Variants in GLI3 observed in about 807,000 individuals in gnomAD.
GLI3 encodes GLI family zinc finger 3, also known as transcription activator GLI3.
In GLI3, 20 loss-of-function variants were observed where a neutral mutation model predicts 100.8. The observed-to-expected ratio is 0.20, with a 90% CI of 0.14 to 0.29. GLI3 has a LOEUF of 0.29. Among genes scored for constraint, GLI3 ranks in the 10% least tolerant of loss-of-function variants. The probability of loss-of-function intolerance (pLI) is 1.00; values close to 1 mark genes in which losing one functional copy is unlikely to be tolerated. For synonymous variants in GLI3, 938 were observed against 860.5 expected, an observed-to-expected ratio of 1.09 and a Z score of -1.58; for missense variants, 2,040 against 2,128.5, an observed-to-expected ratio of 0.96 and a Z score of 0.82.
intron 4 of GLI3, among the ~76,000 whole-genome samples, chr7:42,063,146 T>C (rs1286798164): frequency 1.3e-5 from 2 of 152,186 alleles, no homozygotes; most frequent in Non-Finnish European, 2.9e-5. Flanking sequence ...TTTAGGCAGC[T>C]ATAGCATTTT....
chr7:42,194,891 C>T (rs764670716), intron 2 of GLI3, among the ~76,000 whole-genome samples: 5 of 151,506 alleles, frequency 3.3e-5, no homozygotes, highest in African/African-American at 9.7e-5. Flanking sequence ...CTCAGCCTCC[C>T]GAGTAACTGG....
intron 2 of GLI3, among the ~76,000 whole-genome samples, chr7:42,194,821 C>T (rs1787896147): frequency 1.4e-5 from 2 of 140,942 alleles, no homozygotes; most frequent in Non-Finnish European, 3.0e-5. Flanking sequence ...GGCTGGAGTG[C>T]AGTGGCATGA....
chr7:42,115,858 T>A (rs556282160), intron 3 of GLI3, among the ~76,000 whole-genome samples: 31 of 152,296 alleles, frequency 2.0e-4, no homozygotes, highest in African/African-American at 6.7e-4. Flanking sequence ...GCACATTATA[T>A]AATTTGGGGT....
intron 2 of GLI3, among the ~76,000 whole-genome samples, chr7:42,167,504 A>G (rs1213503539): frequency 6.6e-6 from 1 of 152,212 alleles, no homozygotes; most frequent in African/African-American, 2.4e-5. Flanking sequence ...GTCAGTTTAG[A>G]TATGTTTGGG....
chr7:42,175,980 C>T (rs1787472079), intron 2 of GLI3, among the ~76,000 whole-genome samples: 1 of 152,036 alleles, frequency 6.6e-6, no homozygotes, highest in Non-Finnish European at 1.5e-5. Flanking sequence ...ATCCCACAGC[C>T]CACGCACATA....
chr7:42,002,137 A>G (rs887414814), intron 10 of GLI3, among the ~76,000 whole-genome samples: 3 of 152,162 alleles, frequency 2.0e-5, no homozygotes, highest in Non-Finnish European at 4.4e-5. Flanking sequence ...AAAAATTCAC[A>G]TTCAAAATAA....
Position 41,965,374 on chromosome 7 carries a change from G to A in GLI3, c.3699C>T (p.Asn1233=), listed in dbSNP as rs1302010083. Residue 1233 remains asparagine (N), a synonymous_variant, in exon 15 of 15, where the codon AAC becomes AAT. Transcript: ENST00000395925. The part of the protein sequence containing the change: ...YGGPEHLMLH[N]SPGSGTSGNA... ...TTCCACTGGTGCCACTTCCGGGGCT[G>A]TTGTGGAGCATCAAGTGCTCTGGGC... 5.0e-6 allele frequency: 8 copies of A among 1,612,960 alleles called. No individual in the cohort carries two copies. The highest frequency in any genetic ancestry group is 1.7e-4 in the Middle Eastern group (1 of 6,060).
intron 3 of GLI3, among the ~76,000 whole-genome samples, chr7:42,141,100 C>T (rs1282038324): frequency 6.6e-6 from 1 of 152,182 alleles, no homozygotes; most frequent in Non-Finnish European, 1.5e-5. Context: ...GGCCTCCCAT[C>T]AACATGGATC....
At chr7:42,128,339 T>C (rs1469796496) in intron 3 of GLI3, among the ~76,000 whole-genome samples, 1 of 152,228 alleles carries the variant, frequency 6.6e-6, no homozygotes, top group African/African-American at 2.4e-5. Context: ...TGGTTGTTAC[T>C]GTTTTTAATC....
At chr7:42,042,108 G>A (rs190844667) in intron 6 of GLI3, among the ~76,000 whole-genome samples, 112 of 150,710 alleles carry the variant, frequency 7.4e-4, no homozygotes, top group African/African-American at 2.5e-3. Flanking sequence ...TGTCTCCCGA[G>A]TTCAAGCGAT....
At chr7:42,221,177 T>C (rs1788479084) in intron 2 of GLI3, among the ~76,000 whole-genome samples, 1 of 152,166 alleles carries the variant, frequency 6.6e-6, no homozygotes. Context: ...ATTAGTTCTG[T>C]TCCCAATCAC....
chr7:42,038,500 T>C (rs1260804552), intron 7 of GLI3, among the ~76,000 whole-genome samples: 2 of 152,186 alleles, frequency 1.3e-5, no homozygotes, highest in East Asian at 3.8e-4. Flanking sequence ...GTATAGCTGG[T>C]TGGTGGCAAA....
At chr7:42,164,527 T>A (rs1005275383) in intron 2 of GLI3, among the ~76,000 whole-genome samples, 2 of 143,514 alleles carry the variant, frequency 1.4e-5, no homozygotes, top group African/African-American at 2.6e-5. Flanking sequence ...TAAAAAAAAA[T>A]AAAAATAAAA....
intron 7 of GLI3, among the ~76,000 whole-genome samples, chr7:42,029,169 T>A (rs1381042279): frequency 6.6e-6 from 1 of 152,220 alleles, no homozygotes. Context: ...TGGGACAGCT[T>A]GTCTGGACCC....
intron 3 of GLI3, among the ~76,000 whole-genome samples, chr7:42,136,539 C>G (rs536531378): frequency 5.2e-4 from 79 of 152,324 alleles, no homozygotes; most frequent in Non-Finnish European, 9.4e-4. Context: ...CTTACATCCT[C>G]CAAAACATGG....
intron 3 of GLI3, among the ~76,000 whole-genome samples, chr7:42,099,238 T>C (rs1393651541): frequency 6.6e-6 from 1 of 152,194 alleles, no homozygotes; most frequent in Non-Finnish European, 1.5e-5. Context: ...AACTTCGGGT[T>C]AGGAAATACA....
chr7:42,262,255 C>CCTTCCTTTCTT (rs1789152894), intron 1 of GLI3, among the ~76,000 whole-genome samples: 2 of 40,220 alleles, frequency 5.0e-5, no homozygotes, highest in Non-Finnish European at 6.3e-5. Context: ...CTTTCTTCCT[C>CCTTCCTTTCTT]CCTCCCTCCC....
chr7:42,040,370 C>A, intron 6 of GLI3, 131 bp from the exon 7 acceptor site: 1 of 722,322 alleles, frequency 1.4e-6, no homozygotes. Flanking sequence ...CACCTCTCCT[C>A]CCCCATGTGA....
chr7:42,257,386 C>T (rs1483075308), intron 1 of GLI3, among the ~76,000 whole-genome samples: 2 of 142,644 alleles, frequency 1.4e-5, no homozygotes, highest in Admixed American at 7.3e-5. Context: ...GACGGAGTCT[C>T]GCTCTGTCGC....
Sources: gnomAD v4.1 joint callset for allele counts (sites outside exome capture counted in the v4.1 genomes callset) on GRCh38, gnomAD v4.1.1 for gene constraint, MANE v1.5 for transcripts, NCBI Gene and HGNC (gene_info 2026-07-23, HGNC 2026-07-21) for gene names.